TXNDC11: variants seen among roughly 807,000 people sequenced by gnomAD.
TXNDC11 encodes the protein thioredoxin domain-containing protein 11.
In TXNDC11, 68 loss-of-function variants were observed where a neutral mutation model predicts 78.0. The ratio of observed to expected loss-of-function variants is 0.87; its 90% CI spans 0.72 to 1.07. The LOEUF is 1.07. Ranked by LOEUF, TXNDC11 falls within the 50% of genes least tolerant of loss-of-function variation. TXNDC11 has a pLI of 0.00. For synonymous variants in TXNDC11, 571 were observed against 495.2 expected, an observed-to-expected ratio of 1.15 and a Z score of -2.03; for missense variants, 1,389 against 1,221.8, an observed-to-expected ratio of 1.14 and a Z score of -2.04.
intron 3 of TXNDC11, among the ~76,000 whole-genome samples, chr16:11,731,583 TA>T (rs2052048602): frequency 6.6e-6 from 1 of 152,156 alleles, no homozygotes; most frequent in South Asian, 2.1e-4. Flanking sequence ...TTCTTTTCTC[TA>T]AACAGAAATT....
At chr16:11,734,112 T>C in intron 2 of TXNDC11, 33 bp from the exon 3 acceptor site, 4 of 1,383,178 alleles carry the variant, frequency 2.9e-6, no homozygotes, top group East Asian at 2.4e-5. Flanking sequence ...CAAATGACTA[T>C]GAATAACAAC....
intron 5 of TXNDC11, among the ~76,000 whole-genome samples, chr16:11,715,468 A>G (rs2051502089): frequency 6.6e-6 from 1 of 151,810 alleles, no homozygotes; most frequent in Non-Finnish European, 1.5e-5. Flanking sequence ...ACGGCAAAAA[A>G]AAAAAAAAAA....
chr16:11,709,056 A>G (rs964594535), intron 5 of TXNDC11, among the ~76,000 whole-genome samples: 13 of 152,208 alleles, frequency 8.5e-5, no homozygotes, highest in African/African-American at 3.1e-4. Flanking sequence ...CATTACAGAA[A>G]TGCTTGTTTT....
chr16:11,699,315 C>T (rs183132517), intron 6 of TXNDC11, among the ~76,000 whole-genome samples: 9 of 152,286 alleles, frequency 5.9e-5, no homozygotes, highest in Admixed American at 3.3e-4. Context: ...ATTTCTTTCT[C>T]AGTACCCTTT....
intron 1 of TXNDC11, among the ~76,000 whole-genome samples, chr16:11,738,693 T>A (rs1215458449): frequency 1.3e-5 from 2 of 149,672 alleles, no homozygotes; most frequent in Admixed American, 1.3e-4. Flanking sequence ...TTTCAAGAGA[T>A]CCAAAATTCT....
intron 11 of TXNDC11, 103 bp downstream of exon 11, chr16:11,684,062 A>G: frequency 1.2e-6 from 1 of 846,652 alleles, no homozygotes; most frequent in Non-Finnish European, 1.9e-6. Context: ...CTAAGGGAAC[A>G]TTTTTTGAAC....
At chr16:11,733,290 ACT>A (rs1215268844) in intron 3 of TXNDC11, among the ~76,000 whole-genome samples, 1 of 150,854 alleles carries the variant, frequency 6.6e-6, no homozygotes, top group Admixed American at 6.6e-5. Flanking sequence ...ATAAAATAAA[ACT>A]CTTTCCGTTT....
At chr16:11,701,433 G>A (rs527636384) in intron 5 of TXNDC11, among the ~76,000 whole-genome samples, 18 of 152,064 alleles carry the variant, frequency 1.2e-4, no homozygotes, top group Middle Eastern at 3.4e-3. Context: ...CACCACACTC[G>A]GCCCAATTTC....
chr16:11,699,868 G>A (rs974325096), intron 6 of TXNDC11, among the ~76,000 whole-genome samples: 1 of 152,206 alleles, frequency 6.6e-6, no homozygotes, highest in Non-Finnish European at 1.5e-5. Context: ...AGACGCATAG[G>A]ACTGAGCAGG....
chr16:11,729,058 T>C (rs2051967571), intron 4 of TXNDC11, among the ~76,000 whole-genome samples: 1 of 152,234 alleles, frequency 6.6e-6, no homozygotes, highest in African/African-American at 2.4e-5. Context: ...CAGGTCTGTC[T>C]GACTCCTGAT....
chr16:11,691,589 A>T lies in TXNDC11; in HGVS notation c.1601T>A (p.Phe534Tyr). Residue 534 changes from phenylalanine (F) to tyrosine (Y), a missense_variant, in exon 8 of 12, where the codon TTT (phenylalanine) becomes TAT (tyrosine). Coordinates refer to ENST00000283033, the MANE Select transcript of TXNDC11 (RefSeq NM_015914.7). ...QGVFEAPTVA[F>Y]SSLEKKCEVD... ...CTCACATTTCTTCTCAAGGGAAGAAAATGCAACAGTAGGGGCTTCAAAGAC... is the reference window on the plus strand; with the variant it reads ...CTCACATTTCTTCTCAAGGGAAGAATATGCAACAGTAGGGGCTTCAAAGAC... 1 of 1,614,188 alleles carries T rather than the reference A, an allele frequency of 6.2e-7. No homozygotes were observed. Among genetic ancestry groups the T allele is most frequent in the Non-Finnish European group, 8.5e-7 (1 of 1,180,040 alleles).
At position 11,695,903 on chromosome 16, in the gene TXNDC11, C is replaced by T. The variant is rs1047602601; in HGVS notation, c.1107+2222G>A. Among the ~76,000 whole-genome samples, 5 of 152,050 alleles carry T rather than the reference C, an allele frequency of 3.3e-5. No individual in the cohort carries two copies. The South Asian group carries it at 6.2e-4, about 19-fold the overall frequency. Reference sequence around the variant, plus strand: ...TACAAAAATTAGCCAGGCGTAGAGGCGTGCACCTGTAGTCCCAGCTACTTG... The same window carrying T: ...TACAAAAATTAGCCAGGCGTAGAGGTGTGCACCTGTAGTCCCAGCTACTTG... On this transcript the variant is annotated intron_variant, in intron 7 of 11. Coordinates refer to ENST00000283033, the MANE Select transcript of TXNDC11 (RefSeq NM_015914.7).
At chr16:11,700,365 G>T in intron 6 of TXNDC11, 87 bp downstream of exon 6, 1 of 621,506 alleles carries the variant, frequency 1.6e-6, no homozygotes, top group Non-Finnish European at 2.8e-6. Context: ...AGTGTCCATA[G>T]ATTTTAACCA....
At chr16:11,702,254 T>C (rs1567314584) in intron 5 of TXNDC11, among the ~76,000 whole-genome samples, 1 of 152,140 alleles carries the variant, frequency 6.6e-6, no homozygotes, top group Admixed American at 6.5e-5. Flanking sequence ...TCATGGAGTA[T>C]AATATTTGTG....
At chr16:11,696,493 C>T (rs949999947) in intron 7 of TXNDC11, among the ~76,000 whole-genome samples, 29 of 152,178 alleles carry the variant, frequency 1.9e-4, no homozygotes, top group African/African-American at 7.0e-4. Flanking sequence ...ATCCTTTCTC[C>T]CCTGGAGCTT....
intron 10 of TXNDC11, among the ~76,000 whole-genome samples, chr16:11,686,106 G>A (rs1374070242): frequency 3.3e-5 from 5 of 152,106 alleles, no homozygotes; most frequent in African/African-American, 1.2e-4. Context: ...CTACAGGCAC[G>A]TGCCGCCACA....
intron 5 of TXNDC11, among the ~76,000 whole-genome samples, chr16:11,713,442 G>A (rs2051428712): frequency 6.6e-6 from 1 of 151,944 alleles, no homozygotes; most frequent in Non-Finnish European, 1.5e-5. Flanking sequence ...TTGAGACAGA[G>A]TTTTGCTCTT....
chr16:11,709,646 AG>A (rs2051285930), intron 5 of TXNDC11, among the ~76,000 whole-genome samples: 1 of 151,642 alleles, frequency 6.6e-6, no homozygotes, highest in African/African-American at 2.4e-5. Context: ...CATGTTAGCC[AG>A]GATGGTCTCG....
chr16:11,680,354 C>G (rs972772716), intron 11 of TXNDC11, among the ~76,000 whole-genome samples: 3 of 152,228 alleles, frequency 2.0e-5, no homozygotes, highest in Non-Finnish European at 4.4e-5. Context: ...GGGTTCTCAA[C>G]TGGGGGTGAC....
Sources: gnomAD v4.1 joint callset for allele counts (sites outside exome capture counted in the v4.1 genomes callset) on GRCh38, gnomAD v4.1.1 for gene constraint, MANE v1.5 for transcripts, NCBI Gene and HGNC (gene_info 2026-07-23, HGNC 2026-07-21) for gene names.